Variants in LRTM1 observed in about 807,000 individuals in gnomAD.
LRTM1 encodes the protein leucine rich repeat transmembrane protein 1.
LRTM1 carries 38 observed loss-of-function variants against 32.4 expected under a neutral mutation model. The observed-to-expected ratio is 1.17, with a 90% CI of 0.91 to 1.54. The LOEUF (loss-of-function observed/expected upper bound fraction) is 1.54. Among genes scored for constraint, LRTM1 ranks in the 40% most tolerant of loss-of-function variants. LRTM1 has a pLI of 0.00. For missense variants in LRTM1, 466 were observed against 415.4 expected, an observed-to-expected ratio of 1.12 and a Z score of -1.06; for synonymous variants, 186 against 169.9, an observed-to-expected ratio of 1.09 and a Z score of -0.74.
chr3:54,954,482 C>T (rs527707866), intron 1 of LRTM1, among the ~76,000 whole-genome samples: 1 of 152,352 alleles, frequency 6.6e-6, no homozygotes, highest in East Asian at 1.9e-4. Context: ...GGTAGGAAGG[C>T]AGATGCCTGC....
chr3:54,930,363 G>C (rs1327083296), upstream of LRTM1, among the ~76,000 whole-genome samples: 3 of 152,114 alleles, frequency 2.0e-5, no homozygotes, highest in African/African-American at 7.2e-5. Context: ...TTGTCATTCT[G>C]GTCAAAAAGC....
At chr3:54,954,390 T>C (rs969807795) in intron 1 of LRTM1, among the ~76,000 whole-genome samples, 1 of 152,214 alleles carries the variant, frequency 6.6e-6, no homozygotes, top group Non-Finnish European at 1.5e-5. Flanking sequence ...TGCTTTCACA[T>C]TCTTCCCAGC....
At chr3:54,928,264 C>T (rs1701084706), upstream of LRTM1, among the ~76,000 whole-genome samples, 1 of 152,332 alleles carries the variant, frequency 6.6e-6, no homozygotes, top group East Asian at 1.9e-4. Flanking sequence ...ACAGCTGTAG[C>T]ATTCAAACAT....
Position 54,927,902 on chromosome 3 carries a change from C to T in LRTM1, c.7+3G>A, listed in dbSNP as rs748008128. On this transcript the variant is annotated splice_donor_region_variant and intron_variant, in intron 1 of 2. Coordinates refer to ENST00000273286, the MANE Select transcript of LRTM1 (RefSeq NM_020678.4). ...TTTCCAACGGGAATTGATCAGGGCT[C>T]ACCTTTCATGACTGAGTCTCCTTGG... The T allele has an allele frequency of 1.5e-5, 24 of 1,613,584 alleles. No individual in the cohort carries two copies. Among genetic ancestry groups the T allele is most frequent in the East Asian group, 8.9e-5 (4 of 44,874 alleles).
At chr3:54,946,790 A>T (rs973285605) in intron 1 of LRTM1, among the ~76,000 whole-genome samples, 2 of 151,122 alleles carry the variant, frequency 1.3e-5, no homozygotes, top group African/African-American at 4.9e-5. Context: ...GGTAAGACAT[A>T]CAACTTTGGA....
chr3:54,938,312 A>G (rs1701379944), intron 1 of LRTM1, among the ~76,000 whole-genome samples: 1 of 152,176 alleles, frequency 6.6e-6, no homozygotes, highest in South Asian at 2.1e-4. Context: ...GTGGCAAATG[A>G]GTGTTTACGT....
intron 1 of LRTM1, among the ~76,000 whole-genome samples, chr3:54,935,065 C>T (rs1701296125): frequency 6.6e-6 from 1 of 152,212 alleles, no homozygotes; most frequent in Admixed American, 6.5e-5. Flanking sequence ...GCAGTTTTCT[C>T]ATCACCTTGA....
chr3:54,939,406 T>A (rs1701407102), intron 1 of LRTM1, among the ~76,000 whole-genome samples: 2 of 152,210 alleles, frequency 1.3e-5, no homozygotes, highest in South Asian at 4.1e-4. Flanking sequence ...TTTTATCTCA[T>A]CTTATTCTTC....
chr3:54,927,904 C>T lies in LRTM1; in HGVS notation c.7+1G>A. The T allele has an allele frequency of 1.2e-6, 2 of 1,613,724 alleles. No individual in the cohort carries two copies. The highest frequency in any genetic ancestry group is 1.7e-6 in the Non-Finnish European group (2 of 1,179,734). ...TCCAACGGGAATTGATCAGGGCTCA[C>T]CTTTCATGACTGAGTCTCCTTGGGC... On this transcript the variant is annotated splice_donor_variant, in intron 1 of 2. Coordinates refer to ENST00000273286, the MANE Select transcript of LRTM1 (RefSeq NM_020678.4). LOFTEE classifies it high-confidence loss of function.
At chr3:54,947,367 A>G (rs939667282) in intron 1 of LRTM1, among the ~76,000 whole-genome samples, 2 of 152,202 alleles carry the variant, frequency 1.3e-5, no homozygotes, top group African/African-American at 4.8e-5. Context: ...AACAAGGTGT[A>G]TAACAGGCTC....
intron 1 of LRTM1, among the ~76,000 whole-genome samples, chr3:54,943,346 A>G (rs1245888517): frequency 1.3e-5 from 2 of 152,062 alleles, no homozygotes; most frequent in Non-Finnish European, 2.9e-5. Context: ...CTCACTGTCA[A>G]GTTAAGATTG....
rs769519094 is a variant in LRTM1 at position 54,925,058 on chromosome 3, C to T, written c.165G>A (p.Leu55=). ...GGTGTATCTGATTATCTTGTAAATG[C>T]AGCGTTCGAGTCTGAGGAGGTAAAT... ...PSHLPPQTRT[L]HLQDNQIHHL... The change falls in exon 2 of 3, where the codon CTG becomes CTA. Residue 55 remains leucine, a synonymous_variant. Transcript: ENST00000273286. The T allele has an allele frequency of 6.2e-7, 1 of 1,614,016 alleles. No homozygotes were observed. The highest frequency in any genetic ancestry group is 8.5e-7 in the Non-Finnish European group (1 of 1,180,032).
At chr3:54,932,685 G>A (rs1378527499), upstream of LRTM1, among the ~76,000 whole-genome samples, 1 of 152,146 alleles carries the variant, frequency 6.6e-6, no homozygotes, top group African/African-American at 2.4e-5. Context: ...CGTGTGATGA[G>A]CCCTTATAAC....
At chr3:54,953,749 C>A (rs1206948624) in intron 1 of LRTM1, among the ~76,000 whole-genome samples, 1 of 152,162 alleles carries the variant, frequency 6.6e-6, no homozygotes, top group Admixed American at 6.5e-5. Flanking sequence ...CCTGCCTCTG[C>A]TAGCTTGACA....
intron 1 of LRTM1, among the ~76,000 whole-genome samples, chr3:54,949,153 C>T (rs1180633401): frequency 6.6e-6 from 1 of 152,174 alleles, no homozygotes; most frequent in Admixed American, 6.5e-5. Flanking sequence ...AGTTTCAGTT[C>T]AATGTCCTGG....
chr3:54,965,624 T>A (rs1378801806), intron 1 of LRTM1, among the ~76,000 whole-genome samples: 1 of 152,210 alleles, frequency 6.6e-6, no homozygotes, highest in East Asian at 1.9e-4. Flanking sequence ...GTCGTGAAGT[T>A]GATCCATCAA....
rs780579795 is a variant in LRTM1, at chr3:54,918,447, A to G, written c.*12T>C. 6.2e-7 allele frequency: 1 copy of G among 1,602,132 alleles called. No individual in the cohort carries two copies. ...GGCCTGCAATGACCAATCCTATTTG[A>G]GACAAAAGCTCTCAGGCTGGTGAGC... On this transcript the variant is annotated 3_prime_UTR_variant, in exon 3 of 3. Transcript: ENST00000273286.
chr3:54,936,268 C>G (rs1701326480), intron 1 of LRTM1, among the ~76,000 whole-genome samples: 1 of 151,990 alleles, frequency 6.6e-6, no homozygotes, highest in African/African-American at 2.4e-5. Context: ...TCTGCTTGAA[C>G]TAATCTGCTT....
intron 1 of LRTM1, among the ~76,000 whole-genome samples, chr3:54,963,919 T>A (rs547523688): frequency 6.6e-6 from 1 of 152,198 alleles, no homozygotes; most frequent in East Asian, 1.9e-4. Flanking sequence ...GGAAGGAAGA[T>A]ACTTTGTTGA....
Sources: allele counts gnomAD v4.1 joint callset (sites outside exome capture counted in the v4.1 genomes callset), GRCh38; gene constraint gnomAD v4.1.1; transcripts MANE v1.5; gene names NCBI Gene and HGNC (gene_info 2026-07-23, HGNC 2026-07-21).